Variants in IMPG1 observed in about 807,000 individuals in gnomAD.
IMPG1 encodes interphotoreceptor matrix proteoglycan 1, also known as interphotoreceptor matrix proteoglycan of 150 kDa.
Under a neutral mutation model 92.0 loss-of-function variants are expected in IMPG1, and 85 were observed. The observed-to-expected ratio is 0.92, with a 90% CI of 0.78 to 1.11. The LOEUF is 1.11. IMPG1 is among the 50% of genes least tolerant of loss of function. IMPG1 has a pLI of 0.00. For synonymous variants in IMPG1, 367 were observed against 334.1 expected (o/e 1.10, Z -1.08); for missense variants, 1,022 against 956.0 (o/e 1.07, Z -0.91).
At chr6:76,024,786 A>T (rs1047105265) in intron 5 of IMPG1, 1 of 306,488 alleles carries the variant, frequency 3.3e-6, no homozygotes. Flanking sequence ...GATGCAACAG[A>T]ATGTTGCAAG....
chr6:75,998,915 G>A (rs1330073607), intron 12 of IMPG1, among the ~76,000 whole-genome samples: 1 of 152,166 alleles, frequency 6.6e-6, no homozygotes. Context: ...GGAGTGTAGT[G>A]GAGCGATCTT....
intron 14 of IMPG1, among the ~76,000 whole-genome samples, chr6:75,937,432 C>T (rs920718434): frequency 6.6e-6 from 1 of 152,044 alleles, no homozygotes; most frequent in Non-Finnish European, 1.5e-5. Context: ...TTATAAGATT[C>T]CTTTTTGTAA....
intron 1 of IMPG1, among the ~76,000 whole-genome samples, chr6:76,065,672 A>C (rs1337792671): frequency 6.6e-6 from 1 of 152,148 alleles, no homozygotes; most frequent in Admixed American, 6.6e-5. Context: ...GAAATTCAGG[A>C]AAACTTCCCT....
At chr6:75,960,642 ATAT>A (rs143656318) in intron 12 of IMPG1, among the ~76,000 whole-genome samples, 275 of 152,282 alleles carry the variant, frequency 1.8e-3, no homozygotes, top group African/African-American at 6.1e-3. Flanking sequence ...CTTTGGAAAA[ATAT>A]TATCCAAACC....
chr6:76,042,286 G>A (rs1783858581), intron 1 of IMPG1, among the ~76,000 whole-genome samples, 160 bp from the exon 2 acceptor site: 1 of 151,956 alleles, frequency 6.6e-6, no homozygotes, highest in African/African-American at 2.4e-5. Context: ...AAATGACAAG[G>A]CATTTTCAGA....
chr6:75,934,908 T>C (rs1781718905), intron 14 of IMPG1: 2 of 469,316 alleles, frequency 4.3e-6, no homozygotes. Context: ...TTTTGCGCTG[T>C]CCCATTTTAC....
In IMPG1 at chr6:76,011,208, T is replaced by G. The variant is rs1562368786; in HGVS notation, c.824A>C (p.Lys275Thr). ...KSQLQMQKIF[K>T]KLPGFKKIHV... is the part of the protein sequence containing the mutation. The stretch of plus-strand genomic sequence containing the variant: ...GATTTTTTTGAATCCTGGAAGTTTC[T>G]TAAATATCTTTTGCATCTGCAGAGA... Residue 275 changes from lysine (K) to threonine (T), a missense_variant, in exon 8 of 17, where the codon AAG becomes ACG. This residue lies in a region of IMPG1 where 681 missense variants were observed against 583.6 expected (regional missense o/e 1.17). Transcript: ENST00000369950. 6.4e-7 allele frequency: 1 copy of G among 1,553,544 alleles called. No homozygotes were observed. Among genetic ancestry groups the G allele is most frequent in the Admixed American group, 1.7e-5 (1 of 59,706 alleles).
chr6:76,012,952 T>C (rs1019527531), intron 7 of IMPG1, among the ~76,000 whole-genome samples: 2 of 149,650 alleles, frequency 1.3e-5, no homozygotes, highest in African/African-American at 2.4e-5. Flanking sequence ...ACCCCCCACA[T>C]GCAGCCACCG....
At chr6:75,989,159 G>T (rs1782772821) in intron 12 of IMPG1, among the ~76,000 whole-genome samples, 1 of 152,074 alleles carries the variant, frequency 6.6e-6, no homozygotes, top group Non-Finnish European at 1.5e-5. Context: ...CATGATCATA[G>T]CTCACTGCAT....
At chr6:76,020,449 ATC>A (rs938689418) in intron 6 of IMPG1, among the ~76,000 whole-genome samples, 5 of 152,296 alleles carry the variant, frequency 3.3e-5, no homozygotes, top group Middle Eastern at 3.4e-3. Context: ...GCAAGGTCTA[ATC>A]TCTGATTTAT....
chr6:76,017,013 G>A (rs1281808715), intron 7 of IMPG1, among the ~76,000 whole-genome samples: 1 of 152,152 alleles, frequency 6.6e-6, no homozygotes, highest in Non-Finnish European at 1.5e-5. Context: ...ACTGGATGCA[G>A]AATGGATAGA....
intron 12 of IMPG1, among the ~76,000 whole-genome samples, chr6:75,964,693 A>AAAAG (rs1554229450): frequency 7.0e-6 from 1 of 142,404 alleles, no homozygotes; most frequent in African/African-American, 2.5e-5. Flanking sequence ...AAAAAAAAAA[A>AAAAG]AGAGAGAGAG....
chr6:75,925,063 G>C lies in IMPG1; in HGVS notation c.2244-1357C>G, dbSNP rs376724484. Among the ~76,000 whole-genome samples the C allele has an allele frequency of 2.3e-4, 35 of 151,846 alleles. 1 individual carries two copies. The South Asian group carries it at 5.0e-3, about 22-fold the overall frequency. ...ATAAGTTCTGGTGTCCTATTGCACA[G>C]TAGGATGACTGTAGTTGTATATTTC... On this transcript the variant is annotated intron_variant, in intron 15 of 16. Coordinates refer to ENST00000369950, the MANE Select transcript of IMPG1 (RefSeq NM_001563.4).
intron 1 of IMPG1, among the ~76,000 whole-genome samples, chr6:76,046,838 C>T (rs1409101752): frequency 6.6e-6 from 1 of 152,202 alleles, no homozygotes. Context: ...TGGTATCACT[C>T]TTCCTTTCCT....
intron 1 of IMPG1, among the ~76,000 whole-genome samples, chr6:76,065,556 A>T (rs1784295613): frequency 6.6e-6 from 1 of 152,094 alleles, no homozygotes; most frequent in Non-Finnish European, 1.5e-5. Flanking sequence ...TTTAAAAAGG[A>T]CAAAGCCTTC....
In IMPG1 at chr6:76,072,444, A is replaced by G; in HGVS notation, c.45T>C (p.Phe15=). The part of the protein sequence containing the change: ...TRRAIFVFWI[F]LQVQGTKDIS... ...TACCTTTGGTTCCTTGAACTTGGAG[A>G]AAAATCCAAAAAACAAAAATAGCTC... Residue 15 remains phenylalanine (F), a synonymous_variant, in exon 1 of 17, where the codon TTT becomes TTC. Coordinates refer to ENST00000369950, the MANE Select transcript of IMPG1 (RefSeq NM_001563.4). 1 of 1,595,418 alleles carries G rather than the reference A, an allele frequency of 6.3e-7. No homozygotes were observed. Among genetic ancestry groups the G allele is most frequent in the African/African-American group, 1.3e-5 (1 of 74,392 alleles).
chr6:76,013,867 A>G (rs1375786579), intron 7 of IMPG1, among the ~76,000 whole-genome samples: 1 of 152,210 alleles, frequency 6.6e-6, no homozygotes, highest in Non-Finnish European at 1.5e-5. Flanking sequence ...AATCACTTAC[A>G]CTGGGCTTTA....
intron 1 of IMPG1, among the ~76,000 whole-genome samples, chr6:76,051,496 C>T (rs1784041364): frequency 6.6e-6 from 1 of 152,170 alleles, no homozygotes; most frequent in South Asian, 2.1e-4. Context: ...TTATACAATG[C>T]CAGCCCCAAT....
rs1363853985 is a variant in IMPG1 at position 75,950,786 on chromosome 6, G to T, written c.1600C>A (p.Pro534Thr). ...LSDTPAPSEV[P>T]ELSEYVSVPD... ...ACAGAAACATATTCGCTGAGCTCTG[G>T]TACCTCAGATGGGGCAGGAGTGTCA... Residue 534 changes from proline (P) to threonine (T), a missense_variant, in exon 13 of 17, where the codon CCA (proline) becomes ACA (threonine). Pro to Thr is a conservative substitution (Grantham distance 38). Around this residue, in one of 3 missense-constraint regions of IMPG1, gnomAD observed 332 missense variants for 346.2 expected, o/e 0.96. Transcript: ENST00000369950. 1 of 1,613,752 alleles carries T rather than the reference G, an allele frequency of 6.2e-7. No individual in the cohort carries two copies. Among genetic ancestry groups the T allele is most frequent in the Non-Finnish European group, 8.5e-7 (1 of 1,179,858 alleles).
Sources: allele counts gnomAD v4.1 joint callset (sites outside exome capture counted in the v4.1 genomes callset), GRCh38; gene constraint gnomAD v4.1.1; regional missense constraint gnomAD v4.1.1; transcripts MANE v1.5; gene names NCBI Gene and HGNC (gene_info 2026-07-23, HGNC 2026-07-21).